ZFHX3: variants seen among roughly 807,000 people sequenced by gnomAD.
ZFHX3 encodes the protein zinc finger homeobox protein 3.
ZFHX3 carries 42 observed loss-of-function variants against 279.1 expected under a neutral mutation model. The ratio of observed to expected loss-of-function variants is 0.15; its 90% CI spans 0.12 to 0.19. ZFHX3 has a LOEUF of 0.19. ZFHX3 is among the 10% of genes least tolerant of loss of function. The pLI, the probability that ZFHX3 is intolerant of heterozygous loss-of-function variation, is 1.00. For synonymous variants in ZFHX3, 2,293 were observed against 1,957.8 expected, an observed-to-expected ratio of 1.17 and a Z score of -4.52; for missense variants, 4,981 against 4,754.0, an observed-to-expected ratio of 1.05 and a Z score of -1.40.
chr16:72,991,159 AGAGAG>A (rs1203602019), intron 1 of ZFHX3, among the ~76,000 whole-genome samples: 1 of 148,992 alleles, frequency 6.7e-6, no homozygotes, highest in African/African-American at 2.6e-5. Context: ...ATATTCTGAG[AGAGAG>A]GAGAGACCAT....
chr16:73,474,365 T>A (rs2018728069), intron 2 of ZFHX3, among the ~76,000 whole-genome samples: 2 of 152,146 alleles, frequency 1.3e-5, no homozygotes, highest in African/African-American at 4.8e-5. Context: ...GCCAGGCCGG[T>A]CTCGAACTCC....
intron 7 of ZFHX3, among the ~76,000 whole-genome samples, chr16:73,093,951 C>T (rs571972486): frequency 1.8e-4 from 27 of 152,246 alleles, no homozygotes; most frequent in African/African-American, 5.8e-4. Context: ...CGGCATGGCA[C>T]GGGTGAGTCC....
intron 4 of ZFHX3, among the ~76,000 whole-genome samples, chr16:73,267,547 C>G (rs192781080): frequency 1.3e-5 from 2 of 152,072 alleles, no homozygotes; most frequent in Admixed American, 1.3e-4. Flanking sequence ...ACAAAAGGGA[C>G]GAGCCTCAAT....
intron 3 of ZFHX3, among the ~76,000 whole-genome samples, chr16:73,347,977 G>T (rs966658206): frequency 6.6e-5 from 10 of 152,202 alleles, no homozygotes; most frequent in African/African-American, 2.4e-4. Flanking sequence ...AAAGCTGGCA[G>T]AATATCAAGC....
intron 4 of ZFHX3, among the ~76,000 whole-genome samples, chr16:73,267,594 T>C (rs1458543363): frequency 6.6e-6 from 1 of 152,122 alleles, no homozygotes; most frequent in East Asian, 1.9e-4. Flanking sequence ...CAGGATGCCT[T>C]TTCCCTCTTG....
At chr16:73,758,319 T>C (rs981178205) in intron 1 of ZFHX3, among the ~76,000 whole-genome samples, 20 of 152,166 alleles carry the variant, frequency 1.3e-4, no homozygotes, top group African/African-American at 4.6e-4. Context: ...AAGAATTCAG[T>C]AGTCAATATT....
chr16:73,175,600 G>C (rs1485767952), intron 5 of ZFHX3, among the ~76,000 whole-genome samples: 2 of 152,190 alleles, frequency 1.3e-5, no homozygotes, highest in East Asian at 1.9e-4. Flanking sequence ...GGCCATGATA[G>C]GTGCTCGATA....
intron 8 of ZFHX3, among the ~76,000 whole-genome samples, chr16:73,080,876 C>G (rs1965935164): frequency 6.6e-6 from 1 of 152,124 alleles, no homozygotes; most frequent in South Asian, 2.1e-4. Context: ...CCACTGTGCT[C>G]AGCCAGGTGA....
chr16:72,903,479 CAT>C (rs2039090994), intron 3 of ZFHX3, among the ~76,000 whole-genome samples: 1 of 152,166 alleles, frequency 6.6e-6, no homozygotes, highest in Admixed American at 6.5e-5. Flanking sequence ...ATAACCTCCT[CAT>C]ATGTTACATG....
At chr16:73,858,914 G>T (rs76927639) in intron 1 of ZFHX3, among the ~76,000 whole-genome samples, 2 of 152,080 alleles carry the variant, frequency 1.3e-5, no homozygotes, top group African/African-American at 4.8e-5. Context: ...AACTAACCAC[G>T]CACCATCTTC....
intron 2 of ZFHX3, chr16:73,554,744 G>A (rs979543684): frequency 1.3e-5 from 2 of 152,166 alleles, no homozygotes; most frequent in Non-Finnish European, 2.9e-5. Context: ...GGGATAGAAG[G>A]TGACAGCTTC....
intron 1 of ZFHX3, among the ~76,000 whole-genome samples, chr16:72,977,595 G>T (rs56224138): frequency 6.6e-5 from 10 of 151,382 alleles, no homozygotes; most frequent in African/African-American, 2.2e-4. Flanking sequence ...TCAGTGGGGG[G>T]AAAAAAATCA....
intron 2 of ZFHX3, among the ~76,000 whole-genome samples, chr16:73,486,568 T>C (rs1160896065): frequency 6.6e-6 from 1 of 152,210 alleles, no homozygotes; most frequent in Non-Finnish European, 1.5e-5. Flanking sequence ...CTTCGAGGAA[T>C]ACCTATCAAT....
intron 1 of ZFHX3, among the ~76,000 whole-genome samples, chr16:73,768,904 C>A (rs1002769639): frequency 6.6e-6 from 1 of 152,124 alleles, no homozygotes; most frequent in Non-Finnish European, 1.5e-5. Flanking sequence ...AAGAGTGAAC[C>A]CACATACCAG....
At chr16:73,052,561 A>G (rs570563833), upstream of ZFHX3, among the ~76,000 whole-genome samples, 17 of 152,282 alleles carry the variant, frequency 1.1e-4, no homozygotes, top group African/African-American at 1.7e-4. Flanking sequence ...AAATTCACAT[A>G]TCCTCCAAGT....
intron 1 of ZFHX3, among the ~76,000 whole-genome samples, chr16:73,047,002 A>C (rs139745330): frequency 6.6e-6 from 1 of 152,346 alleles, no homozygotes; most frequent in Non-Finnish European, 1.5e-5. Context: ...CTCTTAGCAC[A>C]CACCATGCGT....
At chr16:73,541,004 G>C (rs2020000851) in intron 2 of ZFHX3, among the ~76,000 whole-genome samples, 1 of 152,122 alleles carries the variant, frequency 6.6e-6, no homozygotes, top group Non-Finnish European at 1.5e-5. Context: ...TTCCCCAGCT[G>C]TTTCCAGAAA....
At chr16:72,878,101 T>G (rs1305751125) in intron 4 of ZFHX3, among the ~76,000 whole-genome samples, 3 of 152,016 alleles carry the variant, frequency 2.0e-5, no homozygotes, top group Non-Finnish European at 4.4e-5. Context: ...GAGGATCACT[T>G]GAGCCCAGGA....
At chr16:73,467,281 T>TCTGTCTTA (rs140353437) in intron 2 of ZFHX3, among the ~76,000 whole-genome samples, 4,056 of 152,070 alleles carry the variant, frequency 0.027, 168 homozygotes, top group African/African-American at 0.092. Context: ...AAAGAATGTC[T>TCTGTCTTA]CTGTCTTACT....
Sources: gnomAD v4.1 joint callset for allele counts (sites outside exome capture counted in the v4.1 genomes callset) on GRCh38, gnomAD v4.1.1 for gene constraint, MANE v1.5 for transcripts, NCBI Gene and HGNC (gene_info 2026-07-23, HGNC 2026-07-21) for gene names.